The following ZDHHC14 variants were observed in gnomAD, a reference collection of about 807,000 sequenced individuals.
ZDHHC14 encodes palmitoyltransferase ZDHHC14.
ZDHHC14 carries 16 observed loss-of-function variants against 47.7 expected under a neutral mutation model. The observed-to-expected ratio is 0.34, with a 90% confidence interval of 0.23 to 0.51. The LOEUF (loss-of-function observed/expected upper bound fraction) is 0.51. Ranked by LOEUF, ZDHHC14 falls within the 20% of genes least tolerant of loss-of-function variation. The pLI is 0.97. For missense variants in ZDHHC14, 515 were observed against 662.5 expected (o/e 0.78, Z 2.44); for synonymous variants, 293 against 278.9 (o/e 1.05, Z -0.50).
At chr6:157,471,203 C>T (rs1779346648) in intron 1 of ZDHHC14, among the ~76,000 whole-genome samples, 1 of 152,230 alleles carries the variant, frequency 6.6e-6, no homozygotes, top group Non-Finnish European at 1.5e-5. Flanking sequence ...TTTGATGGGA[C>T]TGGCGCGGGG....
rs141408956 is a variant in ZDHHC14 at position 157,627,078 on chromosome 6, G to C, written c.566-1271G>C. Among the ~76,000 whole-genome samples the C allele has an allele frequency of 3.7e-3, 562 of 152,234 alleles. 9 individuals are homozygous for C. The highest frequency in any genetic ancestry group is 0.034 in the East Asian group (174 of 5,182). On this transcript the variant is annotated intron_variant, in intron 3 of 8. Transcript: ENST00000359775. ...TGTTTCTTATTACTACCACTTGGCA[G>C]GCAGCAATGATTATCTTGCACTTCC...
intron 8 of ZDHHC14, among the ~76,000 whole-genome samples, chr6:157,663,703 G>A (rs913790955): frequency 3.9e-5 from 6 of 152,126 alleles, no homozygotes; most frequent in Non-Finnish European, 5.9e-5. Context: ...CAGAGCTGGC[G>A]CTAAACGGAA....
At chr6:157,606,653 A>C (rs1784550240) in intron 3 of ZDHHC14, among the ~76,000 whole-genome samples, 1 of 152,194 alleles carries the variant, frequency 6.6e-6, no homozygotes, top group African/African-American at 2.4e-5. Flanking sequence ...CTGTGAGGGC[A>C]GTCAGAGCAG....
intron 1 of ZDHHC14, among the ~76,000 whole-genome samples, chr6:157,434,853 G>A (rs926342390): frequency 1.1e-4 from 17 of 152,270 alleles, no homozygotes; most frequent in East Asian, 7.7e-4. Context: ...GAATCCTGGC[G>A]TGACATGTTT....
chr6:157,433,241 G>A (rs535075682), intron 1 of ZDHHC14, among the ~76,000 whole-genome samples: 44 of 152,280 alleles, frequency 2.9e-4, no homozygotes, highest in African/African-American at 8.7e-4. Context: ...AATTAAGTTG[G>A]CTCTTATAAT....
At chr6:157,579,977 G>A (rs900404223) in intron 2 of ZDHHC14, among the ~76,000 whole-genome samples, 8 of 152,314 alleles carry the variant, frequency 5.3e-5, no homozygotes, top group South Asian at 2.1e-4. Context: ...CTTTCAAGGC[G>A]AATGCTTCTA....
chr6:157,613,178 G>C (rs996831142), intron 3 of ZDHHC14, among the ~76,000 whole-genome samples: 1 of 152,168 alleles, frequency 6.6e-6, no homozygotes, highest in African/African-American at 2.4e-5. Flanking sequence ...AGGGCCTCAC[G>C]TGTGCCTCCT....
At chr6:157,640,952 G>A (rs908863361) in intron 5 of ZDHHC14, among the ~76,000 whole-genome samples, 5 of 152,114 alleles carry the variant, frequency 3.3e-5, no homozygotes, top group African/African-American at 4.8e-5. Flanking sequence ...GAATACATCC[G>A]TGTGCATCAT....
chr6:157,604,335 G>A (rs1784447895), intron 3 of ZDHHC14, among the ~76,000 whole-genome samples: 1 of 151,712 alleles, frequency 6.6e-6, no homozygotes, highest in South Asian at 2.1e-4. Flanking sequence ...GAAGGATACT[G>A]GAGGCTATGC....
chr6:157,419,024 C>T (rs1778044187), intron 1 of ZDHHC14, among the ~76,000 whole-genome samples: 1 of 152,188 alleles, frequency 6.6e-6, no homozygotes. Context: ...AATTCAAATG[C>T]ACTTGCAGGT....
In ZDHHC14 at chr6:157,593,105, C is replaced by T. The variant is rs1168887433; in HGVS notation, c.524C>T (p.Pro175Leu). 1 of 1,614,082 alleles carries T rather than the reference C, an allele frequency of 6.2e-7. No individual in the cohort carries two copies. Reference protein sequence around the residue: ...KYCFTCKIFRPPRASHCSLCD... With the variant: ...KYCFTCKIFRLPRASHCSLCD... ...TGTTTCACCTGCAAGATTTTCCGGCCCCCTCGCGCCTCCCATTGCAGCCTT... is the reference window on the plus strand; with the variant it reads ...TGTTTCACCTGCAAGATTTTCCGGCTCCCTCGCGCCTCCCATTGCAGCCTT... The change falls in exon 3 of 9, where the codon CCC (proline) becomes CTC (leucine). Residue 175 changes from proline (P) to leucine (L), a missense_variant. Coordinates refer to ENST00000359775, the MANE Select transcript of ZDHHC14 (RefSeq NM_024630.3).
At chr6:157,614,847 T>G (rs945138816) in intron 3 of ZDHHC14, among the ~76,000 whole-genome samples, 1 of 151,938 alleles carries the variant, frequency 6.6e-6, no homozygotes, top group Admixed American at 6.6e-5. Context: ...CTTGGCTCAC[T>G]GTAACCTCTG....
chr6:157,517,119 G>A (rs1780720031), intron 1 of ZDHHC14, among the ~76,000 whole-genome samples: 1 of 152,138 alleles, frequency 6.6e-6, no homozygotes, highest in Admixed American at 6.5e-5. Context: ...GGCCAAGCGA[G>A]GGCCTCATTC....
chr6:157,469,802 G>T (rs564489254), intron 1 of ZDHHC14, among the ~76,000 whole-genome samples: 14 of 152,314 alleles, frequency 9.2e-5, no homozygotes, highest in African/African-American at 2.9e-4. Context: ...AAGTCCACCA[G>T]GTGCCCGGAA....
intron 1 of ZDHHC14, among the ~76,000 whole-genome samples, chr6:157,528,734 A>T (rs1781256216): frequency 6.6e-6 from 1 of 151,742 alleles, no homozygotes; most frequent in South Asian, 2.1e-4. Context: ...TTCATCTCAA[A>T]AAAATAAAAT....
chr6:157,549,650 A>G (rs1782141623), intron 2 of ZDHHC14, among the ~76,000 whole-genome samples: 1 of 152,184 alleles, frequency 6.6e-6, no homozygotes, highest in South Asian at 2.1e-4. Context: ...TGTCCCTTTA[A>G]CAAGAAACCC....
chr6:157,614,733 C>T (rs1223856970), intron 3 of ZDHHC14, among the ~76,000 whole-genome samples: 1 of 151,584 alleles, frequency 6.6e-6, no homozygotes, highest in East Asian at 1.9e-4. Flanking sequence ...AGATGGACTT[C>T]GTGTTCTGCT....
chr6:157,483,631 C>G (rs975327637), intron 1 of ZDHHC14, among the ~76,000 whole-genome samples: 1 of 152,168 alleles, frequency 6.6e-6, no homozygotes, highest in Non-Finnish European at 1.5e-5. Context: ...TAGAGTCCCT[C>G]TGCTAGAAGG....
At chr6:157,569,473 A>G (rs1213718555) in intron 2 of ZDHHC14, among the ~76,000 whole-genome samples, 2 of 152,054 alleles carry the variant, frequency 1.3e-5, no homozygotes, top group Non-Finnish European at 2.9e-5. Flanking sequence ...GGGATCTTCT[A>G]TTTTGTTTCA....
Sources: allele counts gnomAD v4.1 joint callset (sites outside exome capture counted in the v4.1 genomes callset), GRCh38; gene constraint gnomAD v4.1.1; transcripts MANE v1.5; gene names NCBI Gene and HGNC (gene_info 2026-07-23, HGNC 2026-07-21).